STPG2: variants seen among roughly 807,000 people sequenced by gnomAD.
The protein encoded by STPG2 is sperm-tail PG-rich repeat-containing protein 2.
A neutral mutation model predicts 54.2 loss-of-function variants in STPG2; 56 were observed. The observed-to-expected ratio is 1.03, with a 90% confidence interval of 0.83 to 1.29. The LOEUF is 1.29. STPG2 is among the 50% of genes most tolerant of loss of function. The probability of loss-of-function intolerance (pLI) is 0.00; values close to 1 mark genes in which losing one functional copy is unlikely to be tolerated. For synonymous variants in STPG2, 200 were observed against 181.8 expected, an observed-to-expected ratio of 1.10 and a Z score of -0.81; for missense variants, 596 against 544.9, an observed-to-expected ratio of 1.09 and a Z score of -0.93.
intron 8 of STPG2, among the ~76,000 whole-genome samples, chr4:97,925,191 C>A (rs948378169): frequency 2.0e-5 from 3 of 152,162 alleles, no homozygotes; most frequent in Non-Finnish European, 4.4e-5. Flanking sequence ...TCTTCACAAT[C>A]TATATAACCA....
chr4:97,614,649 T>G (rs1332762698), intron 10 of STPG2, among the ~76,000 whole-genome samples: 2 of 152,274 alleles, frequency 1.3e-5, no homozygotes, highest in Non-Finnish European at 2.9e-5. Flanking sequence ...CTCTCCATAG[T>G]CATCACTTTG....
At chr4:98,121,955 C>T (rs1739693170) in intron 3 of STPG2, among the ~76,000 whole-genome samples, 1 of 152,052 alleles carries the variant, frequency 6.6e-6, no homozygotes, top group South Asian at 2.1e-4. Flanking sequence ...CTCTTGACCT[C>T]GTGATCCACC....
intron 9 of STPG2, among the ~76,000 whole-genome samples, chr4:97,737,994 C>A (rs1427988066): frequency 2.0e-5 from 3 of 152,174 alleles, no homozygotes; most frequent in African/African-American, 7.2e-5. Flanking sequence ...GGAAGCCCAT[C>A]AGGCTAACAG....
At chr4:97,472,842 C>T (rs965565964) in intron 4 of STPG2, among the ~76,000 whole-genome samples, 1 of 152,110 alleles carries the variant, frequency 6.6e-6, no homozygotes, top group Admixed American at 6.5e-5. Context: ...AAGTCAGGGA[C>T]CCTGAATGGA....
chr4:97,748,092 T>C (rs17026931), intron 9 of STPG2, among the ~76,000 whole-genome samples: 19,243 of 151,384 alleles, frequency 0.13, 1,881 homozygotes, highest in African/African-American at 0.26. Context: ...TGTTCCTTGC[T>C]ACGGTGAAGT....
chr4:97,516,849 A>AACAAT (rs1553934572), intron 4 of STPG2, among the ~76,000 whole-genome samples: 1 of 149,044 alleles, frequency 6.7e-6, no homozygotes, highest in South Asian at 2.1e-4. Context: ...CAACAACAAC[A>AACAAT]ATATATATAT....
chr4:97,797,331 A>AT (rs1727228390), intron 9 of STPG2, among the ~76,000 whole-genome samples: 1 of 152,206 alleles, frequency 6.6e-6, no homozygotes, highest in Non-Finnish European at 1.5e-5. Flanking sequence ...GGTTTGTCAT[A>AT]AATAGCTCTT....
intron 4 of STPG2, among the ~76,000 whole-genome samples, chr4:97,472,350 G>A (rs1245140797): frequency 6.6e-6 from 1 of 152,136 alleles, no homozygotes; most frequent in Non-Finnish European, 1.5e-5. Context: ...CCCAAACTTT[G>A]GTGAGTTTCA....
At chr4:97,444,840 T>A (rs969942880) in intron 4 of STPG2, among the ~76,000 whole-genome samples, 3 of 152,020 alleles carry the variant, frequency 2.0e-5, no homozygotes, top group Non-Finnish European at 4.4e-5. Context: ...CCATCCTGGC[T>A]AACATCGTGA....
intron 4 of STPG2, among the ~76,000 whole-genome samples, chr4:97,460,431 T>G (rs1729634192): frequency 6.6e-6 from 1 of 152,070 alleles, no homozygotes; most frequent in Non-Finnish European, 1.5e-5. Context: ...TTTTCTTTTT[T>G]TTTTATTTTT....
chr4:98,100,649 C>CTTCTTTTTCT (rs1738998057), intron 5 of STPG2, among the ~76,000 whole-genome samples: 4 of 143,598 alleles, frequency 2.8e-5, no homozygotes, highest in African/African-American at 1.0e-4. Context: ...CAAGTCATAT[C>CTTCTTTTTCT]TTCTTTTTCT....
At chr4:98,017,321 C>T (rs1735988567) in intron 5 of STPG2, among the ~76,000 whole-genome samples, 2 of 152,244 alleles carry the variant, frequency 1.3e-5, no homozygotes, top group South Asian at 2.1e-4. Flanking sequence ...AGCCTGTACC[C>T]ACTGATGTTG....
intron 5 of STPG2, among the ~76,000 whole-genome samples, chr4:98,018,804 C>T (rs1736064791): frequency 6.6e-6 from 1 of 151,850 alleles, no homozygotes; most frequent in Non-Finnish European, 1.5e-5. Flanking sequence ...TTTTTGGCTG[C>T]ATAAATGTCT....
intron 10 of STPG2, among the ~76,000 whole-genome samples, chr4:97,675,806 G>A (rs1259558883): frequency 6.6e-6 from 1 of 150,960 alleles, no homozygotes; most frequent in East Asian, 1.9e-4. Flanking sequence ...TGGAGTTCTG[G>A]AATAGGGTCC....
chr4:97,850,487 A>G (rs1729123566), intron 8 of STPG2, among the ~76,000 whole-genome samples: 1 of 151,852 alleles, frequency 6.6e-6, no homozygotes. Flanking sequence ...AAAATGTTAT[A>G]CAGAATTTAG....
At chr4:97,919,992 A>G (rs1354527079) in intron 8 of STPG2, among the ~76,000 whole-genome samples, 2 of 152,210 alleles carry the variant, frequency 1.3e-5, no homozygotes, top group Admixed American at 6.5e-5. Flanking sequence ...TTTCAGAGGA[A>G]AAGAAATGTA....
chr4:97,817,242 T>C (rs926728691), intron 9 of STPG2, among the ~76,000 whole-genome samples: 2 of 149,930 alleles, frequency 1.3e-5, no homozygotes, highest in African/African-American at 4.9e-5. Context: ...AGTGTGTATA[T>C]ATATGATATA....
chr4:97,917,318 G>A (rs559807441), intron 8 of STPG2: 2 of 152,344 alleles, frequency 1.3e-5, no homozygotes, highest in Non-Finnish European at 2.9e-5. Flanking sequence ...AAATCACAGC[G>A]CGGTAGTGCC....
chr4:97,909,386 C>T (rs1253688708), intron 8 of STPG2, among the ~76,000 whole-genome samples: 2 of 151,988 alleles, frequency 1.3e-5, no homozygotes, highest in African/African-American at 2.4e-5. Context: ...AATGGTTACA[C>T]CAGTAAATTC....
Sources: allele counts gnomAD v4.1 joint callset (sites outside exome capture counted in the v4.1 genomes callset), GRCh38; gene constraint gnomAD v4.1.1; transcripts MANE v1.5; gene names NCBI Gene and HGNC (gene_info 2026-07-23, HGNC 2026-07-21).